The following RGS7 variants were observed in gnomAD, a reference collection of about 807,000 sequenced individuals.
RGS7 encodes the protein regulator of G-protein signaling 7.
In RGS7, 27 loss-of-function variants were observed where a neutral mutation model predicts 81.1. That is an observed-to-expected ratio of 0.33 (90% CI 0.25 to 0.46). RGS7 has a LOEUF of 0.46. Among genes scored for constraint, RGS7 ranks in the 20% least tolerant of loss-of-function variants. The pLI is 1.00. For missense variants in RGS7, 396 were observed against 607.4 expected (o/e 0.65, Z 3.66); for synonymous variants, 208 against 207.7 (o/e 1.00, Z -0.01).
At chr1:240,928,492 T>A (rs1674848920) in intron 6 of RGS7, among the ~76,000 whole-genome samples, 2 of 152,010 alleles carry the variant, frequency 1.3e-5, no homozygotes, top group Non-Finnish European at 2.9e-5. Flanking sequence ...CAACCTACTA[T>A]AAAATGATAA....
intron 2 of RGS7, among the ~76,000 whole-genome samples, chr1:241,178,846 T>C (rs145063846): frequency 3.6e-4 from 55 of 152,370 alleles, no homozygotes; most frequent in African/African-American, 1.2e-3. Flanking sequence ...ACCATTTCCA[T>C]TTATAACTTG....
At chr1:240,783,059 A>G (rs1292629606) in intron 18 of RGS7, among the ~76,000 whole-genome samples, 1 of 152,174 alleles carries the variant, frequency 6.6e-6, no homozygotes, top group African/African-American at 2.4e-5. Context: ...TCAGGACAAA[A>G]TAAACCTGAG....
At chr1:240,790,898 A>G (rs1292488895) in intron 18 of RGS7, among the ~76,000 whole-genome samples, 1 of 152,218 alleles carries the variant, frequency 6.6e-6, no homozygotes, top group Non-Finnish European at 1.5e-5. Flanking sequence ...AAGCTCTCCC[A>G]ATAATCTTTT....
At chr1:240,830,793 G>A (rs1260360644) in intron 9 of RGS7, among the ~76,000 whole-genome samples, 3 of 152,132 alleles carry the variant, frequency 2.0e-5, no homozygotes, top group Non-Finnish European at 2.9e-5. Flanking sequence ...CATACCAGGG[G>A]TCATAATTAA....
At chr1:241,351,998 GA>G (rs2083277596) in intron 2 of RGS7, among the ~76,000 whole-genome samples, 2 of 152,132 alleles carry the variant, frequency 1.3e-5, no homozygotes, top group African/African-American at 2.4e-5. Context: ...TCAAATGCAG[GA>G]ATGTCAGCTG....
intron 6 of RGS7, chr1:240,919,511 C>T (rs940844584): frequency 5.7e-6 from 1 of 174,242 alleles, no homozygotes; most frequent in Non-Finnish European, 1.2e-5. Flanking sequence ...AATCATTTGC[C>T]AAAATCTAGC....
chr1:240,972,706 A>AC (rs1441133247), intron 4 of RGS7, among the ~76,000 whole-genome samples: 12 of 119,314 alleles, frequency 1.0e-4, no homozygotes, highest in East Asian at 4.5e-4. Context: ...TAAAAAAAAA[A>AC]AAAACAAAAA....
intron 2 of RGS7, among the ~76,000 whole-genome samples, chr1:241,145,712 C>T (rs2068262793): frequency 6.6e-6 from 1 of 152,164 alleles, no homozygotes; most frequent in Non-Finnish European, 1.5e-5. Flanking sequence ...CTCCTGCATT[C>T]TAGCCTGGGC....
At chr1:241,117,052 T>C (rs910754184) in intron 2 of RGS7, among the ~76,000 whole-genome samples, 2 of 152,112 alleles carry the variant, frequency 1.3e-5, no homozygotes, top group African/African-American at 2.4e-5. Flanking sequence ...TACGAGGTAG[T>C]ATATGGGGGC....
chr1:241,221,092 AAAGGAAGG>A (rs141939771), intron 2 of RGS7, among the ~76,000 whole-genome samples: 39 of 138,578 alleles, frequency 2.8e-4, no homozygotes, highest in Middle Eastern at 3.8e-3. Context: ...AGGAAGGAAG[AAAGGAAGG>A]AAGGAAGGAA....
chr1:240,872,356 G>C (rs1376668828), intron 6 of RGS7, among the ~76,000 whole-genome samples: 1 of 152,134 alleles, frequency 6.6e-6, no homozygotes, highest in Non-Finnish European at 1.5e-5. Context: ...ACACTTGGGA[G>C]GCTGAGGAAG....
At position 240,814,760 on chromosome 1, in the gene RGS7, T is replaced by C. The variant is rs761238784; in HGVS notation, c.801A>G (p.Ile267Met). The part of the protein sequence containing the change: ...ELQQQIKYWQ[I>M]QLDRHRLKMS... ...TTTTTAACCGATGTCTATCTAACTG[T>C]ATTTGCCAATATTTTATCTGAAAAG... is the stretch of plus-strand genomic sequence containing the variant. The change falls in exon 12 of 19, where the codon ATA becomes ATG. Residue 267 changes from isoleucine (I) to methionine (M), a missense_variant. Physicochemically the swap from Ile to Met is conservative, Grantham distance 10. Transcript: ENST00000440928. 6.3e-7 allele frequency: 1 copy of C among 1,595,638 alleles called. No individual in the cohort carries two copies. Among genetic ancestry groups the C allele is most frequent in the South Asian group, 1.1e-5 (1 of 90,696 alleles).
chr1:241,030,436 A>T (rs2060026465), intron 3 of RGS7, among the ~76,000 whole-genome samples: 1 of 145,788 alleles, frequency 6.9e-6, no homozygotes, highest in African/African-American at 2.5e-5. Context: ...ATATAAATAT[A>T]TATGTGCAAT....
intron 2 of RGS7, among the ~76,000 whole-genome samples, chr1:241,195,273 C>T (rs1351454609): frequency 5.9e-5 from 9 of 152,052 alleles, no homozygotes; most frequent in African/African-American, 1.7e-4. Context: ...GTCAGGAGTT[C>T]GAGACCAGCC....
rs1027443421 is a variant in RGS7, at chr1:240,809,183, C to CA, written c.1082+2734dup. Among the ~76,000 whole-genome samples the CA allele has an allele frequency of 4.6e-5, 7 of 151,516 alleles. No individual in the cohort carries two copies. In the East Asian group the frequency reaches 7.7e-4, roughly 17 times the overall value. ...CTTGCTCTATGCTATGTGTTTTGCT[C>CA]AAAAAAAAGAATGAGGGAAATACAT... On this transcript the variant is annotated intron_variant, in intron 14 of 18. Transcript: ENST00000440928.
chr1:241,346,415 G>A (rs1303641732), intron 2 of RGS7, among the ~76,000 whole-genome samples: 2 of 152,088 alleles, frequency 1.3e-5, no homozygotes, highest in African/African-American at 4.8e-5. Flanking sequence ...CATATGTAAT[G>A]AATGGACTTG....
intron 2 of RGS7, among the ~76,000 whole-genome samples, chr1:241,306,407 A>G (rs542091016): frequency 3.3e-5 from 5 of 149,744 alleles, no homozygotes; most frequent in Admixed American, 2.7e-4. Context: ...ACACACCCTC[A>G]CATGCACACA....
chr1:240,794,795 G>C (rs1686711587), intron 18 of RGS7, among the ~76,000 whole-genome samples: 1 of 150,610 alleles, frequency 6.6e-6, no homozygotes, highest in Non-Finnish European at 1.5e-5. Context: ...GGTTTACACT[G>C]TATGCAGAGG....
chr1:241,222,758 C>G (rs2075085036), intron 2 of RGS7, among the ~76,000 whole-genome samples: 1 of 152,066 alleles, frequency 6.6e-6, no homozygotes, highest in Non-Finnish European at 1.5e-5. Context: ...GCCCATGCTC[C>G]CAACTCTAAC....
Sources: allele counts gnomAD v4.1 joint callset (sites outside exome capture counted in the v4.1 genomes callset), GRCh38; gene constraint gnomAD v4.1.1; transcripts MANE v1.5; gene names NCBI Gene and HGNC (gene_info 2026-07-23, HGNC 2026-07-21).